The following PHF10 variants were observed in gnomAD, a reference collection of about 807,000 sequenced individuals.
PHF10 encodes the protein PHD finger protein 10.
PHF10 carries 51 observed loss-of-function variants against 68.5 expected under a neutral mutation model. That is an observed-to-expected ratio of 0.74 (90% CI 0.59 to 0.94). The LOEUF is 0.94. Ranked by LOEUF, PHF10 falls within the 40% of genes least tolerant of loss-of-function variation. The pLI, the probability that PHF10 is intolerant of heterozygous loss-of-function variation, is 0.00. For synonymous variants in PHF10, 204 were observed against 203.5 expected, an observed-to-expected ratio of 1.00 and a Z score of -0.02; for missense variants, 460 against 602.6, an observed-to-expected ratio of 0.76 and a Z score of 2.48.
chr6:169,723,809 G>T (rs1393739784), intron 1 of PHF10, 36 bp downstream of exon 1: 1 of 729,660 alleles, frequency 1.4e-6, no homozygotes, highest in Non-Finnish European at 1.8e-6. Flanking sequence ...GGCCCGGGAC[G>T]GGGTCAGGGT....
intron 9 of PHF10, among the ~76,000 whole-genome samples, chr6:169,706,327 G>C (rs1020091586): frequency 2.0e-5 from 3 of 150,954 alleles, no homozygotes; most frequent in Non-Finnish European, 4.4e-5. Context: ...TATTCTCTTT[G>C]CATGTCTAAT....
Position 169,705,264 on chromosome 6 carries a change from G to C in PHF10, c.1280C>G (p.Pro427Arg). The change falls in exon 11 of 12, where the codon CCA becomes CGA. Residue 427 changes from proline (P) to arginine (R), a missense_variant. By Grantham distance (103) the Pro-to-Arg change is moderately radical. Coordinates refer to ENST00000339209, the MANE Select transcript of PHF10 (RefSeq NM_018288.4). ...TGTTTTACATTCCATACACTGCCAT[G>C]GGTAGGTCTTAATCATAGAAACAAG... The part of the protein sequence containing the change: ...MELVSMIKTY[P>R]WQCMECKTCI... 1 of 1,613,308 alleles carries C rather than the reference G, an allele frequency of 6.2e-7. No homozygotes were observed. The highest frequency in any genetic ancestry group is 8.5e-7 in the Non-Finnish European group (1 of 1,179,332).
rs1215910896 is a variant in PHF10 at position 169,724,308 on chromosome 6, G to A, written c.-377C>T. Among the ~76,000 whole-genome samples the A allele has an allele frequency of 9.9e-6, 1 of 100,514 alleles. No homozygotes were observed. Among genetic ancestry groups the A allele is most frequent in the African/African-American group, 4.0e-5 (1 of 24,856 alleles). The allele number at this position is 100,514 out of a possible 152,430, so 65.9% of individuals were successfully genotyped here. ...CCACAGCTCCGCCGCTGGCCTCAGC[G>A]CCGCCGCGACTCCCTTCAGCCCCGC... On this transcript the variant is annotated 5_prime_UTR_variant, in exon 1 of 12. Coordinates refer to ENST00000339209, the MANE Select transcript of PHF10 (RefSeq NM_018288.4).
Position 169,704,070 on chromosome 6 carries a change from C to T in PHF10, c.1430G>A (p.Cys477Tyr). ...AIPSGRWICD[C>Y]CQRAPPTPRK... ...GGGTGTTGGGGGGGCCCGCTGACAA[C>T]AGTCACAAATCCAGCGACCTAGGAA... Residue 477 changes from cysteine (C) to tyrosine (Y), a missense_variant, in exon 12 of 12, where the codon TGT (cysteine) becomes TAT (tyrosine). Physicochemically the swap from Cys to Tyr is radical, Grantham distance 194. Transcript: ENST00000339209. The T allele has an allele frequency of 6.3e-7, 1 of 1,582,688 alleles. No individual in the cohort carries two copies. The highest frequency in any genetic ancestry group is 1.4e-5 in the African/African-American group (1 of 72,740).
intron 4 of PHF10, among the ~76,000 whole-genome samples, chr6:169,716,547 A>G (rs1157625822): frequency 1.3e-5 from 2 of 152,160 alleles, no homozygotes. Context: ...CACACCATGG[A>G]GACAATTTTC....
chr6:169,705,406 T>G, intron 10 of PHF10, 85 bp from the exon 11 acceptor site: 1 of 919,246 alleles, frequency 1.1e-6, no homozygotes, highest in Non-Finnish European at 1.7e-6. Context: ...GCTTTAGGAC[T>G]TCCAGAGAAT....
intron 1 of PHF10, among the ~76,000 whole-genome samples, chr6:169,722,546 A>T (rs570129712): frequency 1.3e-5 from 2 of 152,358 alleles, no homozygotes; most frequent in Admixed American, 6.5e-5. Flanking sequence ...CTGAGACTAC[A>T]ATTTCATCAA....
intron 8 of PHF10, among the ~76,000 whole-genome samples, chr6:169,711,199 T>C (rs1175583985): frequency 6.6e-6 from 1 of 152,186 alleles, no homozygotes; most frequent in African/African-American, 2.4e-5. Flanking sequence ...CCCTCATTTT[T>C]TAAAATACAA....
chr6:169,721,007 A>G lies in PHF10; in HGVS notation c.192T>C (p.Leu64=). ...SRSCETSSQD[L]GFSYYPAENL... ...AATAACCGATAAAATGACAGTACCC[A>G]AGATCTTGACTTGAAGTTTCACAAC... Residue 64 remains leucine (L), a splice_region_variant and synonymous_variant, in exon 2 of 12, where the codon CTT becomes CTC. Transcript: ENST00000339209. 2 of 1,515,962 alleles carry G rather than the reference A, an allele frequency of 1.3e-6. No individual in the cohort carries two copies. The highest frequency in any genetic ancestry group is 1.8e-6 in the Non-Finnish European group (2 of 1,116,774). The allele number at this position is 1,515,962 out of a possible 1,614,324, so 93.9% of individuals were successfully genotyped here.
At chr6:169,717,784 G>T in intron 4 of PHF10, 39 bp downstream of exon 4, 1 of 848,326 alleles carries the variant, frequency 1.2e-6, no homozygotes, top group Non-Finnish European at 2.0e-6. Context: ...TCTCATAAAT[G>T]TTCAGCTTGA....
intron 7 of PHF10, among the ~76,000 whole-genome samples, chr6:169,712,940 C>T (rs371839285): frequency 6.6e-6 from 1 of 152,182 alleles, no homozygotes; most frequent in Non-Finnish European, 1.5e-5. Flanking sequence ...CTACCGCATA[C>T]AGTTGATATA....
chr6:169,710,369 G>A lies in PHF10; in HGVS notation c.980C>T (p.Ser327Phe). The A allele has an allele frequency of 6.2e-7, 1 of 1,612,508 alleles. No homozygotes were observed. ...GCTGTCAGGAGGGCTTTCCCCTTCA[G>A]ATACATTGCCAGAGGAGCTGTCCTG... ...GTSDSSSGNV[S>F]EGESPPDSQE... The change falls in exon 9 of 12, where the codon TCT (serine) becomes TTT (phenylalanine). Residue 327 changes from serine (S) to phenylalanine (F), a missense_variant. By Grantham distance (155) the Ser-to-Phe change is radical. This residue lies in a region of PHF10 where 256 missense variants were observed against 410.5 expected (regional missense o/e 0.62). Coordinates refer to ENST00000339209, the MANE Select transcript of PHF10 (RefSeq NM_018288.4).
intron 6 of PHF10, among the ~76,000 whole-genome samples, 178 bp from the exon 7 acceptor site, chr6:169,715,020 T>C (rs1005444777): frequency 2.0e-5 from 3 of 152,194 alleles, no homozygotes; most frequent in African/African-American, 7.2e-5. Context: ...CTATATATTA[T>C]TGTTTTAAAG....
rs753650152 is a variant in PHF10 at position 169,714,722 on chromosome 6, C to T, written c.803+11G>A. The T allele has an allele frequency of 4.5e-6, 6 of 1,325,962 alleles. No homozygotes were observed. The highest frequency in any genetic ancestry group is 3.4e-5 in the Admixed American group (2 of 59,484). 82.1% of individuals were successfully genotyped at this position (1,325,962 alleles called of 1,614,324 possible). A position where few individuals can be genotyped will look rare whatever the true frequency, so the allele number is the denominator to read the frequency against. On this transcript the variant is annotated intron_variant, in intron 7 of 11. Transcript: ENST00000339209. ...TAGCCGATACCAACTGTAACTAAAA[C>T]TACTAAATACCTCTTATAATATTCC...
chr6:169,719,045 G>C, intron 2 of PHF10, 127 bp from the exon 3 acceptor site: 1 of 602,144 alleles, frequency 1.7e-6, no homozygotes, highest in Non-Finnish European at 2.9e-6. Context: ...TTGACTTCCT[G>C]TGTATCAAAG....
intron 1 of PHF10, 120 bp downstream of exon 1, chr6:169,723,725 G>GC (rs1452981092): frequency 8.7e-5 from 24 of 276,178 alleles, no homozygotes; most frequent in South Asian, 8.0e-4. Context: ...CTCAGGCGCG[G>GC]CGCCCGGCCT....
intron 1 of PHF10, 133 bp downstream of exon 1, chr6:169,723,712 G>A (rs895336677): frequency 2.4e-5 from 6 of 253,854 alleles, no homozygotes; most frequent in African/African-American, 9.2e-5. Flanking sequence ...GACCACCCCC[G>A]GTCTCAGGCG....
chr6:169,717,230 CAGAG>C (rs747925408), intron 4 of PHF10, among the ~76,000 whole-genome samples: 3 of 152,184 alleles, frequency 2.0e-5, no homozygotes, highest in Non-Finnish European at 4.4e-5. Context: ...GCCTGGACAA[CAGAG>C]AGAGACTCTG....
chr6:169,713,598 C>CAAA (rs755248180), intron 7 of PHF10, among the ~76,000 whole-genome samples: 1 of 76,678 alleles, frequency 1.3e-5, no homozygotes. Flanking sequence ...GACTCCATCT[C>CAAA]AAAAAAAAAA....
Sources: gnomAD v4.1 joint callset for allele counts (sites outside exome capture counted in the v4.1 genomes callset) on GRCh38, gnomAD v4.1.1 for gene constraint, gnomAD v4.1.1 regional missense constraint, MANE v1.5 for transcripts, NCBI Gene and HGNC (gene_info 2026-07-23, HGNC 2026-07-21) for gene names.